IGSF5: variants seen among roughly 807,000 people sequenced by gnomAD.
The protein encoded by IGSF5 is immunoglobulin superfamily member 5, also known as immunoglobulin superfamily 5 like.
Under a neutral mutation model 39.4 loss-of-function variants are expected in IGSF5, and 41 were observed. The ratio of observed to expected loss-of-function variants is 1.04; its 90% CI spans 0.81 to 1.35. The LOEUF is 1.35. Ranked by LOEUF, IGSF5 falls within the 40% of genes most tolerant of loss-of-function variation. The pLI is 0.00. For synonymous variants in IGSF5, 183 were observed against 175.3 expected, an observed-to-expected ratio of 1.04 and a Z score of -0.34; for missense variants, 487 against 494.6, an observed-to-expected ratio of 0.98 and a Z score of 0.15.
intron 2 of IGSF5, among the ~76,000 whole-genome samples, chr21:39,750,438 T>C (rs73217242): frequency 0.12 from 17,663 of 148,748 alleles, 1,074 homozygotes; most frequent in Middle Eastern, 0.18. Context: ...AGCCTAGGAG[T>C]TCAAGGTTGC....
At chr21:39,750,292 T>C (rs1426785939) in intron 2 of IGSF5, among the ~76,000 whole-genome samples, 1 of 152,140 alleles carries the variant, frequency 6.6e-6, no homozygotes, top group Non-Finnish European at 1.5e-5. Context: ...GCCTATTACA[T>C]GCAGAAATCC....
At chr21:39,766,137 A>C (rs1340904272) in intron 3 of IGSF5, among the ~76,000 whole-genome samples, 4 of 152,198 alleles carry the variant, frequency 2.6e-5, no homozygotes, top group South Asian at 2.1e-4. Flanking sequence ...TGGATGGACT[A>C]ATGTTTATTG....
chr21:39,719,891 T>G, the IGSF5 span, among the ~76,000 whole-genome samples: 2 of 152,248 alleles, frequency 1.3e-5, no homozygotes. Flanking sequence ...CCAAGCGTTA[T>G]TCTCATAGTC....
chr21:39,728,248 C>T, the IGSF5 span, among the ~76,000 whole-genome samples: 1,717 of 152,228 alleles, frequency 0.011, 26 homozygotes, highest in African/African-American at 0.037. Context: ...ATGTAATCAA[C>T]TTAAGCTGAG....
Position 39,757,569 on chromosome 21 carries a change from A to C in IGSF5, c.101-7966A>C, listed in dbSNP as rs574096657. Among the ~76,000 whole-genome samples the C allele has an allele frequency of 2.0e-5, 3 of 150,810 alleles. No homozygotes were observed. The South Asian group carries it at 6.2e-4, about 31-fold the overall frequency. Reference sequence around the variant, plus strand: ...TCAGGAGGTCTGAGGTGGACTCAGAAATGTGCATTCTTTTTTTTTTTTTTT... The same window carrying C: ...TCAGGAGGTCTGAGGTGGACTCAGACATGTGCATTCTTTTTTTTTTTTTTT... On this transcript the variant is annotated intron_variant, in intron 2 of 8. Transcript: ENST00000380588.
chr21:39,718,955 T>C, the IGSF5 span, among the ~76,000 whole-genome samples: 1 of 152,174 alleles, frequency 6.6e-6, no homozygotes, highest in Non-Finnish European at 1.5e-5. Flanking sequence ...CTGGTAGAAT[T>C]GGGCTCTGAA....
At chr21:39,788,351 A>G (rs1459716013) in intron 6 of IGSF5, among the ~76,000 whole-genome samples, 163 bp downstream of exon 6, 1 of 152,242 alleles carries the variant, frequency 6.6e-6, no homozygotes, top group Non-Finnish European at 1.5e-5. Flanking sequence ...TATGCCGATC[A>G]CAAACTCATA....
At chr21:39,754,180 G>A (rs2080018985) in intron 2 of IGSF5, among the ~76,000 whole-genome samples, 1 of 152,170 alleles carries the variant, frequency 6.6e-6, no homozygotes. Flanking sequence ...TTGTAGTGCT[G>A]GTTTGGTAGT....
At chr21:39,747,770 G>A (rs80145300) in intron 2 of IGSF5, among the ~76,000 whole-genome samples, 6,254 of 152,168 alleles carry the variant, frequency 0.041, 422 homozygotes, top group African/African-American at 0.14. Flanking sequence ...CATTTTTCAA[G>A]TGGGCTTCCT....
chr21:39,737,675 TG>T, the IGSF5 span, among the ~76,000 whole-genome samples: 1 of 152,244 alleles, frequency 6.6e-6, no homozygotes, highest in Non-Finnish European at 1.5e-5. Context: ...ATGCCTTCCC[TG>T]GGTGTGTGGC....
chr21:39,789,170 G>A (rs1376279422), intron 6 of IGSF5, among the ~76,000 whole-genome samples: 3 of 138,874 alleles, frequency 2.2e-5, no homozygotes, highest in South Asian at 5.0e-4. Context: ...CTGGACTCTC[G>A]GTTCACCATT....
At chr21:39,742,156 A>G (rs1734853), upstream of IGSF5, among the ~76,000 whole-genome samples, 123,889 of 151,054 alleles carry the variant, frequency 0.82, 50,984 homozygotes, top group Admixed American at 0.86. Flanking sequence ...CCTTCCTCAA[A>G]CAGGAGACGA....
At chr21:39,715,305 G>A in the IGSF5 span, among the ~76,000 whole-genome samples, 1 of 152,010 alleles carries the variant, frequency 6.6e-6, no homozygotes, top group East Asian at 1.9e-4. Context: ...TTTTAGTAGA[G>A]ATGGGGTTTC....
At chr21:39,770,849 A>T (rs902873799) in intron 3 of IGSF5, 67 bp from the exon 4 acceptor site, 22 of 1,191,340 alleles carry the variant, frequency 1.8e-5, no homozygotes, top group Non-Finnish European at 2.3e-5. Context: ...AAAGAAAAAA[A>T]AAAAGAAAAC....
intron 5 of IGSF5, among the ~76,000 whole-genome samples, chr21:39,784,419 TTGTTGGCCCACACAGGA>T (rs1166405783): frequency 1.3e-5 from 2 of 152,212 alleles, no homozygotes; most frequent in Admixed American, 1.3e-4. Context: ...TAACCGATGG[TTGTTGGCCCACACAGGA>T]TATGCAGAAG....
At chr21:39,799,543 G>A (rs2087016995) in intron 8 of IGSF5, among the ~76,000 whole-genome samples, 1 of 151,872 alleles carries the variant, frequency 6.6e-6, no homozygotes, top group African/African-American at 2.4e-5. Flanking sequence ...CCACAGACAT[G>A]TATAGCATTG....
intron 8 of IGSF5, among the ~76,000 whole-genome samples, chr21:39,795,833 C>T (rs1175138020): frequency 6.6e-6 from 1 of 151,986 alleles, no homozygotes; most frequent in African/African-American, 2.4e-5. Context: ...GGGAGCCGGG[C>T]ACCTCATCAG....
the IGSF5 span, among the ~76,000 whole-genome samples, chr21:39,721,257 G>A: frequency 1.3e-5 from 2 of 152,094 alleles, no homozygotes; most frequent in Admixed American, 6.5e-5. Context: ...TATAGCTTCC[G>A]TTTAGTCCCG....
the IGSF5 span, among the ~76,000 whole-genome samples, chr21:39,717,524 G>A: frequency 6.6e-6 from 1 of 152,194 alleles, no homozygotes; most frequent in African/African-American, 2.4e-5. Context: ...TGTATATGGT[G>A]TAAGGAAGGG....
Sources: allele counts gnomAD v4.1 joint callset (sites outside exome capture counted in the v4.1 genomes callset), GRCh38; gene constraint gnomAD v4.1.1; transcripts MANE v1.5; gene names NCBI Gene and HGNC (gene_info 2026-07-23, HGNC 2026-07-21).